Variants in DAB2 observed in about 807,000 individuals in gnomAD.
DAB2 encodes DAB adaptor protein 2, also known as disabled homolog 2.
In DAB2, 28 loss-of-function variants were observed where a neutral mutation model predicts 71.6. That is an observed-to-expected ratio of 0.39 (90% CI 0.29 to 0.54). DAB2 has a LOEUF of 0.54. Ranked by LOEUF, DAB2 falls within the 20% of genes least tolerant of loss-of-function variation. The pLI is 0.68. For missense variants in DAB2, 867 were observed against 928.8 expected, an observed-to-expected ratio of 0.93 and a Z score of 0.86; for synonymous variants, 345 against 339.7, an observed-to-expected ratio of 1.02 and a Z score of -0.17.
chr5:39,389,902 G>T lies in DAB2; in HGVS notation c.493C>A (p.Leu165Ile). Residue 165 changes from leucine to isoleucine, a missense_variant, in exon 6 of 15, where the codon CTT becomes ATT. Leu to Ile is a conservative substitution (Grantham distance 5). This residue lies in a region of DAB2 where 740 missense variants were observed against 734.3 expected (regional missense o/e 1.01). Transcript: ENST00000320816. ...AEPLVVDLKD[L>I]FQVIYNVKKK... Reference sequence around the variant, plus strand: ...TTTACATTATAGATAACTTGAAAAAGGTCTTTAAGATCAACAACTAATGGT... The same window carrying T: ...TTTACATTATAGATAACTTGAAAAATGTCTTTAAGATCAACAACTAATGGT... 6.3e-7 allele frequency: 1 copy of T among 1,596,034 alleles called. No homozygotes were observed. The highest frequency in any genetic ancestry group is 2.3e-5 in the East Asian group (1 of 44,290).
intron 1 of DAB2, among the ~76,000 whole-genome samples, chr5:39,411,610 T>G (rs771197552): frequency 6.6e-6 from 1 of 152,194 alleles, no homozygotes; most frequent in Non-Finnish European, 1.5e-5. Flanking sequence ...ATTTTTAGCA[T>G]CAGAGAATGC....
At position 39,372,423 on chromosome 5, in the gene DAB2, G is replaced by A. The variant is rs776210893; in HGVS notation, c.*1008C>T. ...ACAATCACATTTAGCTTTGTGATATGTTGCTCTTCAAAATAGAGTCCTTTG... is the reference window on the plus strand; with the variant it reads ...ACAATCACATTTAGCTTTGTGATATATTGCTCTTCAAAATAGAGTCCTTTG... On this transcript the variant is annotated 3_prime_UTR_variant, in exon 15 of 15. Coordinates refer to ENST00000320816, the MANE Select transcript of DAB2 (RefSeq NM_001343.4). The A allele has an allele frequency of 3.4e-4, 51 of 152,172 alleles. No individual in the cohort carries two copies. The highest frequency in any genetic ancestry group is 6.8e-4 in the Non-Finnish European group (46 of 68,036). 9.4% of individuals were successfully genotyped at this position (152,172 alleles called of 1,614,324 possible). A position where few individuals can be genotyped will look rare whatever the true frequency, so the allele number is the denominator to read the frequency against.
intron 1 of DAB2, among the ~76,000 whole-genome samples, chr5:39,398,332 G>C (rs1456246364): frequency 1.3e-5 from 2 of 152,156 alleles, no homozygotes; most frequent in Non-Finnish European, 2.9e-5. Flanking sequence ...GGATTCTAAG[G>C]TGAGTGGCAT....
chr5:39,414,757 G>T (rs1311497084), intron 1 of DAB2, among the ~76,000 whole-genome samples: 1 of 151,898 alleles, frequency 6.6e-6, no homozygotes, highest in Non-Finnish European at 1.5e-5. Flanking sequence ...ACCAACAGAT[G>T]ATAAGGCAAG....
At chr5:39,414,564 A>G (rs1300302958) in intron 1 of DAB2, among the ~76,000 whole-genome samples, 1 of 152,154 alleles carries the variant, frequency 6.6e-6, no homozygotes, top group African/African-American at 2.4e-5. Flanking sequence ...TGAATACTCC[A>G]TTGGTAGAAG....
At chr5:39,401,617 A>T (rs1223620563) in intron 1 of DAB2, among the ~76,000 whole-genome samples, 1 of 152,204 alleles carries the variant, frequency 6.6e-6, no homozygotes, top group Non-Finnish European at 1.5e-5. Flanking sequence ...ATTAGAAAAA[A>T]AATCAGTAAG....
intron 1 of DAB2, chr5:39,417,485 C>G (rs58137830): frequency 2.6e-5 from 4 of 152,058 alleles, no homozygotes; most frequent in African/African-American, 9.7e-5. Flanking sequence ...TGCGCTGCTG[C>G]CTAAAATGCA....
chr5:39,390,350 C>A, intron 5 of DAB2, 94 bp downstream of exon 5: 1 of 1,426,988 alleles, frequency 7.0e-7, no homozygotes, highest in Non-Finnish European at 9.5e-7. Flanking sequence ...CTCTTACATC[C>A]AATTATTTCC....
rs199699595 is a variant in DAB2 at position 39,376,785 on chromosome 5, C to T, written c.2002G>A (p.Ala668Thr). Residue 668 changes from alanine (A) to threonine (T), a missense_variant, in exon 12 of 15, where the codon GCG becomes ACG. Physicochemically the swap from Ala to Thr is moderately conservative, Grantham distance 58 (BLOSUM62 0). Coordinates refer to ENST00000320816, the MANE Select transcript of DAB2 (RefSeq NM_001343.4). ...GAAGAAGTCTGCTCTCCCTTCCGCG[C>T]GGGCACAGCAGGTGGCTGCCGCAGT... ...FQLRQPPAVP[A>T]RKGEQTSSGT... 240 of 1,614,102 alleles carry T rather than the reference C, an allele frequency of 1.5e-4. 1 individual carries two copies. The highest frequency in any genetic ancestry group is 1.1e-3 in the Admixed American group (69 of 60,010).
At chr5:39,379,288 T>C (rs764900569) in intron 11 of DAB2, among the ~76,000 whole-genome samples, 23 of 151,968 alleles carry the variant, frequency 1.5e-4, no homozygotes, top group Non-Finnish European at 2.1e-4. Flanking sequence ...ACCCTGTCTC[T>C]ACTAACATAC....
At position 39,389,131 on chromosome 5, in the gene DAB2, G is replaced by C. The variant is rs1332638759; in HGVS notation, c.544-8C>G. The C allele has an allele frequency of 1.2e-6, 2 of 1,608,742 alleles. No homozygotes were observed. The highest frequency in any genetic ancestry group is 2.2e-5 in the East Asian group (1 of 44,854). On this transcript the variant is annotated splice_region_variant and splice_polypyrimidine_tract_variant and intron_variant, in intron 6 of 14. Transcript: ENST00000320816. The stretch of plus-strand genomic sequence containing the variant: ...TTTGCTGGCTTCCTCTATCTAAAAA[G>C]AAAGATACATATTCAGTGATCTTCA...
intron 11 of DAB2, among the ~76,000 whole-genome samples, chr5:39,378,581 T>C (rs1314097027): frequency 6.6e-6 from 1 of 152,242 alleles, no homozygotes; most frequent in Non-Finnish European, 1.5e-5. Flanking sequence ...TCATCATGCA[T>C]GCTGGCCATC....
intron 1 of DAB2, among the ~76,000 whole-genome samples, chr5:39,418,705 G>A (rs1052727989): frequency 6.6e-6 from 1 of 152,104 alleles, no homozygotes; most frequent in Admixed American, 6.6e-5. Context: ...AGATATATAG[G>A]AAAGACAGTC....
At chr5:39,410,346 C>A (rs58278924) in intron 1 of DAB2, among the ~76,000 whole-genome samples, 1,605 of 152,116 alleles carry the variant, frequency 0.011, 22 homozygotes, top group African/African-American at 0.037. Context: ...ACATCATATT[C>A]TTTTTACTTT....
At position 39,394,213 on chromosome 5, in the gene DAB2, A is replaced by C; in HGVS notation, c.91+17T>G. On this transcript the variant is annotated intron_variant, in intron 2 of 14. Transcript: ENST00000320816. ...TCTCTAGCTCCCTTCCTTGGCTTCAAGTGGATTTCTCCATACCTTTCTTTT... is the reference window on the plus strand; with the variant it reads ...TCTCTAGCTCCCTTCCTTGGCTTCACGTGGATTTCTCCATACCTTTCTTTT... The C allele has an allele frequency of 6.2e-7, 1 of 1,607,592 alleles. No individual in the cohort carries two copies. The highest frequency in any genetic ancestry group is 8.5e-7 in the Non-Finnish European group (1 of 1,174,144).
chr5:39,389,182 A>C (rs1452167170), intron 6 of DAB2, 59 bp from the exon 7 acceptor site: 23 of 1,378,862 alleles, frequency 1.7e-5, no homozygotes, highest in African/African-American at 2.9e-5. Flanking sequence ...GGAGTTAAAT[A>C]CACAAACAAG....
chr5:39,375,487 G>T (rs559528806), intron 13 of DAB2, among the ~76,000 whole-genome samples: 2 of 152,296 alleles, frequency 1.3e-5, no homozygotes, highest in East Asian at 3.9e-4. Context: ...CTCAAATTCA[G>T]AAGATAATAG....
intron 1 of DAB2, among the ~76,000 whole-genome samples, chr5:39,415,417 T>C (rs918227417): frequency 5.3e-5 from 8 of 152,096 alleles, no homozygotes; most frequent in Non-Finnish European, 1.2e-4. Context: ...CTATGCTCAT[T>C]TGGCATTCAG....
rs777643216 is a variant in DAB2 at position 39,393,354 on chromosome 5, T to C, written c.131A>G (p.Lys44Arg). The change falls in exon 3 of 15, where the codon AAA (lysine) becomes AGA (arginine). Residue 44 changes from lysine (K) to arginine (R), a missense_variant. Transcript: ENST00000320816. ...GGCCTTATATTTTACACCATCGCCT[T>C]TGAACCTTGCTAAGAGATATTCATC... ...KTDEYLLARFKGDGVKYKAKL... is the reference protein window; with the variant it reads ...KTDEYLLARFRGDGVKYKAKL... 20 of 1,613,966 alleles carry C rather than the reference T, an allele frequency of 1.2e-5. No homozygotes were observed. The highest frequency in any genetic ancestry group is 2.7e-5 in the African/African-American group (2 of 74,934).
Sources: gnomAD v4.1 joint callset for allele counts (sites outside exome capture counted in the v4.1 genomes callset) on GRCh38, gnomAD v4.1.1 for gene constraint, gnomAD v4.1.1 regional missense constraint, MANE v1.5 for transcripts, NCBI Gene and HGNC (gene_info 2026-07-23, HGNC 2026-07-21) for gene names.